The following DSCAML1 variants were observed in gnomAD, a reference collection of about 807,000 sequenced individuals.
DSCAML1 encodes the protein cell adhesion molecule DSCAML1.
DSCAML1 carries 38 observed loss-of-function variants against 200.5 expected under a neutral mutation model. The observed-to-expected ratio is 0.19, with a 90% CI of 0.15 to 0.25. DSCAML1 has a LOEUF of 0.25. Ranked by LOEUF, DSCAML1 falls within the 10% of genes least tolerant of loss-of-function variation. DSCAML1 has a pLI of 1.00. For synonymous variants in DSCAML1, 1,215 were observed against 1,165.0 expected, an observed-to-expected ratio of 1.04 and a Z score of -0.87; for missense variants, 2,223 against 2,858.8, an observed-to-expected ratio of 0.78 and a Z score of 5.07.
chr11:117,771,119 C>T (rs1388008433), intron 3 of DSCAML1, among the ~76,000 whole-genome samples: 2 of 152,186 alleles, frequency 1.3e-5, no homozygotes, highest in African/African-American at 2.4e-5. Flanking sequence ...AACTGGTTTC[C>T]AGCACCGGCA....
Position 117,524,826 on chromosome 11 carries a change from T to C in DSCAML1, c.916A>G (p.Thr306Ala), listed in dbSNP as rs1172174951. The C allele has an allele frequency of 6.3e-7, 1 of 1,587,838 alleles. No homozygotes were observed. The highest frequency in any genetic ancestry group is 8.6e-7 in the Non-Finnish European group (1 of 1,165,934). ...VTNTFGSAEATGILMVIDPLH... is the reference protein window; with the variant it reads ...VTNTFGSAEAAGILMVIDPLH... ...TCACCAATGACCATGAGGATGCCTG[T>C]GGCCTCTGCCGAACCGAAGGTGTTG... Residue 306 changes from threonine (T) to alanine (A), a missense_variant, in exon 5 of 33, where the codon ACA becomes GCA. Around this residue, in one of 7 missense-constraint regions of DSCAML1, gnomAD observed 579 missense variants for 721.5 expected, o/e 0.80. Coordinates refer to ENST00000651296, the MANE Select transcript of DSCAML1 (RefSeq NM_020693.4).
chr11:117,481,872 C>A, intron 12 of DSCAML1, 91 bp downstream of exon 12: 2 of 1,492,420 alleles, frequency 1.3e-6, no homozygotes, highest in East Asian at 2.3e-5. Context: ...TCCCAGGCTC[C>A]CCATTTGCCT....
At chr11:117,542,163 G>T (rs1329884380) in intron 3 of DSCAML1, among the ~76,000 whole-genome samples, 1 of 152,060 alleles carries the variant, frequency 6.6e-6, no homozygotes, top group African/African-American at 2.4e-5. Flanking sequence ...ACAAAAATTA[G>T]CTGGGTATGG....
At position 117,482,128 on chromosome 11, in the gene DSCAML1, G is replaced by A. The variant is rs1469137886; in HGVS notation, c.2394C>T (p.Thr798=). 6.2e-7 allele frequency: 1 copy of A among 1,614,080 alleles called. No individual in the cohort carries two copies. The highest frequency in any genetic ancestry group is 8.5e-7 in the Non-Finnish European group (1 of 1,180,016). ...CCTTCGCATGGCCCTTGATGGCGAT[G>A]GTGGTGTTGGGGTGGGAAGTGATCA... is the stretch of plus-strand genomic sequence containing the variant. ...PAMITSHPNT[T]IAIKGHAKEL... The change falls in exon 12 of 33, where the codon ACC becomes ACT. Residue 798 remains threonine (T), a synonymous_variant. Coordinates refer to ENST00000651296, the MANE Select transcript of DSCAML1 (RefSeq NM_020693.4).
chr11:117,517,282 G>C (rs1851694973), intron 7 of DSCAML1, among the ~76,000 whole-genome samples: 1 of 152,222 alleles, frequency 6.6e-6, no homozygotes, highest in Admixed American at 6.5e-5. Flanking sequence ...TAGGCCCCTG[G>C]GAAGGAGCTG....
At chr11:117,575,873 A>AAAACAAAAAAC (rs1555186263) in intron 3 of DSCAML1, among the ~76,000 whole-genome samples, 2 of 141,016 alleles carry the variant, frequency 1.4e-5, no homozygotes, top group African/African-American at 5.2e-5. Context: ...AAAACAAAAC[A>AAAACAAAAAAC]AAACAAAACA....
intron 3 of DSCAML1, among the ~76,000 whole-genome samples, chr11:117,697,180 T>C (rs1231622735): frequency 6.6e-6 from 1 of 152,200 alleles, no homozygotes; most frequent in Non-Finnish European, 1.5e-5. Flanking sequence ...GGATCAAACT[T>C]AAATTTGGCT....
intron 1 of DSCAML1, among the ~76,000 whole-genome samples, chr11:117,802,277 C>A (rs1052534237): frequency 2.0e-5 from 3 of 152,272 alleles, no homozygotes; most frequent in Admixed American, 2.0e-4. Flanking sequence ...TTTTCCCTGA[C>A]CAGGCCTCCT....
intron 8 of DSCAML1, among the ~76,000 whole-genome samples, chr11:117,508,039 C>G (rs1299499501): frequency 2.0e-5 from 3 of 152,080 alleles, no homozygotes. Flanking sequence ...GTGTGTATCC[C>G]TAGGTCAGAT....
intron 11 of DSCAML1, among the ~76,000 whole-genome samples, chr11:117,483,039 C>A (rs1231992947): frequency 6.6e-6 from 1 of 152,222 alleles, no homozygotes. Context: ...AGGGCCCAGG[C>A]TGGTCATCGG....
chr11:117,726,436 T>C lies in DSCAML1; in HGVS notation c.511+50355A>G, dbSNP rs2054133303. Among the ~76,000 whole-genome samples the C allele has an allele frequency of 1.3e-5, 2 of 152,150 alleles. 1 individual carries two copies. Among genetic ancestry groups the C allele is most frequent in the South Asian group, 4.1e-4 (2 of 4,820 alleles). On this transcript the variant is annotated intron_variant, in intron 3 of 32. Coordinates refer to ENST00000651296, the MANE Select transcript of DSCAML1 (RefSeq NM_020693.4). ...ATCCCTTAGGTAACATTTATATTTA[T>C]TTCATAGTATACTTTAATGTTTATA...
chr11:117,495,161 G>A (rs994405641), intron 11 of DSCAML1, among the ~76,000 whole-genome samples: 1 of 152,118 alleles, frequency 6.6e-6, no homozygotes, highest in Non-Finnish European at 1.5e-5. Flanking sequence ...TAGGTGCCAG[G>A]TTGGCTTCAC....
At chr11:117,810,091 A>T (rs914831764) in intron 1 of DSCAML1, among the ~76,000 whole-genome samples, 1 of 152,080 alleles carries the variant, frequency 6.6e-6, no homozygotes, top group Admixed American at 6.6e-5. Flanking sequence ...GCACACACAT[A>T]CACACATTCA....
intron 3 of DSCAML1, among the ~76,000 whole-genome samples, chr11:117,549,804 C>A (rs2050438612): frequency 6.6e-6 from 1 of 152,140 alleles, no homozygotes; most frequent in Non-Finnish European, 1.5e-5. Context: ...GGCAATTCAG[C>A]TATTTTGAAC....
chr11:117,529,014 T>C (rs1252336394), intron 4 of DSCAML1, among the ~76,000 whole-genome samples: 1 of 141,982 alleles, frequency 7.0e-6, no homozygotes. Context: ...TAGCAGCTAC[T>C]GTCTGTCCAG....
chr11:117,699,120 A>G (rs778212671), intron 3 of DSCAML1, among the ~76,000 whole-genome samples: 2 of 152,148 alleles, frequency 1.3e-5, no homozygotes, highest in Admixed American at 1.3e-4. Context: ...GCAGGTCCTG[A>G]TGAGAGAGAG....
At chr11:117,450,731 C>A in intron 19 of DSCAML1, 43 bp from the exon 20 acceptor site, 1 of 1,595,506 alleles carries the variant, frequency 6.3e-7, no homozygotes, top group Non-Finnish European at 8.5e-7. Context: ...AAAGCAGGAG[C>A]ACAGCCTTTG....
intron 3 of DSCAML1, among the ~76,000 whole-genome samples, chr11:117,675,974 G>A (rs949177153): frequency 6.6e-6 from 1 of 152,146 alleles, no homozygotes; most frequent in Admixed American, 6.5e-5. Context: ...TGGGGGCTGG[G>A]GATGTGAAGG....
intron 3 of DSCAML1, among the ~76,000 whole-genome samples, chr11:117,760,237 T>C (rs899452021): frequency 1.6e-4 from 24 of 152,260 alleles, no homozygotes; most frequent in African/African-American, 5.5e-4. Context: ...CCCATGTTTC[T>C]TTTGGCATAT....
Sources: allele counts gnomAD v4.1 joint callset (sites outside exome capture counted in the v4.1 genomes callset), GRCh38; gene constraint gnomAD v4.1.1; regional missense constraint gnomAD v4.1.1; transcripts MANE v1.5; gene names NCBI Gene and HGNC (gene_info 2026-07-23, HGNC 2026-07-21).